The following CEP192 variants were observed in gnomAD, a reference collection of about 807,000 sequenced individuals.
CEP192 encodes the protein centrosomal protein 192, also known as centrosomal protein of 192 kDa.
In CEP192, 151 loss-of-function variants were observed where a neutral mutation model predicts 271.8. The ratio of observed to expected loss-of-function variants is 0.56; its 90% CI spans 0.49 to 0.64. The LOEUF (loss-of-function observed/expected upper bound fraction) is 0.64. Among genes scored for constraint, CEP192 ranks in the 30% least tolerant of loss-of-function variants. The pLI is 0.00. For synonymous variants in CEP192, 995 were observed against 1,076.5 expected (o/e 0.92, Z 1.48); for missense variants, 2,910 against 3,020.5 (o/e 0.96, Z 0.86).
intron 2 of CEP192, 93 bp from the exon 3 acceptor site, chr18:13,001,364 G>A: frequency 1.3e-6 from 1 of 799,990 alleles, no homozygotes; most frequent in South Asian, 1.9e-5. Context: ...TACCCCGGTG[G>A]TTGGTTTTAC....
At chr18:13,096,123 A>T in intron 35 of CEP192, 61 bp from the exon 36 acceptor site, 1 of 1,553,690 alleles carries the variant, frequency 6.4e-7, no homozygotes, top group Non-Finnish European at 8.8e-7. Flanking sequence ...ATTAGTTGTT[A>T]ATATTTGTCT....
At chr18:13,043,073 T>A (rs2036294748) in intron 15 of CEP192, among the ~76,000 whole-genome samples, 1 of 152,234 alleles carries the variant, frequency 6.6e-6, no homozygotes, top group African/African-American at 2.4e-5. Flanking sequence ...GCACCTGGCA[T>A]TACTCGTTAT....
At chr18:13,100,722 C>T (rs982160655) in intron 38 of CEP192, among the ~76,000 whole-genome samples, 5 of 152,122 alleles carry the variant, frequency 3.3e-5, no homozygotes, top group African/African-American at 4.8e-5. Flanking sequence ...CTGTGTATTC[C>T]GGGAATCCTA....
chr18:12,991,576 A>T (rs2032848202), intron 1 of CEP192, 139 bp downstream of exon 1: 1 of 152,478 alleles, frequency 6.6e-6, no homozygotes, highest in Admixed American at 6.5e-5. Flanking sequence ...GGGCGGCCTC[A>T]GGGCGCGAGC....
chr18:13,088,951 G>A lies in CEP192; in HGVS notation c.5994-505G>A, dbSNP rs180833644. The A allele has an allele frequency of 5.0e-4, 215 of 425,936 alleles. 1 individual carries two copies. The highest frequency in any genetic ancestry group is 9.7e-4 in the Admixed American group (37 of 38,106). The allele number at this position is 425,936 out of a possible 1,614,324, so 26.4% of individuals were successfully genotyped here. A position where few individuals can be genotyped will look rare whatever the true frequency, so the allele number is the denominator to read the frequency against. ...TCTCAATTGGGATATAGAAATCAGCGTATTGTTTTCAAACTCTTTGCCATA... is the reference window on the plus strand; with the variant it reads ...TCTCAATTGGGATATAGAAATCAGCATATTGTTTTCAAACTCTTTGCCATA... On this transcript the variant is annotated intron_variant, in intron 32 of 44. Coordinates refer to ENST00000506447, the MANE Select transcript of CEP192 (RefSeq NM_032142.4).
intron 18 of CEP192, 49 bp from the exon 19 acceptor site, chr18:13,055,731 A>G (rs1393938126): frequency 2.4e-6 from 3 of 1,239,318 alleles, no homozygotes; most frequent in East Asian, 4.7e-5. Context: ...TCAATTTGTT[A>G]TATTAAGTTT....
intron 21 of CEP192, among the ~76,000 whole-genome samples, chr18:13,064,803 T>A (rs987737291): frequency 1.3e-5 from 2 of 152,172 alleles, no homozygotes; most frequent in African/African-American, 4.8e-5. Flanking sequence ...TGGGATAGCT[T>A]GTCTATTCTA....
At chr18:13,035,450 CCT>C (rs2035866442) in intron 11 of CEP192, among the ~76,000 whole-genome samples, 1 of 152,160 alleles carries the variant, frequency 6.6e-6, no homozygotes, top group Non-Finnish European at 1.5e-5. Context: ...AAAGTGGAAA[CCT>C]CTGATAAACC....
chr18:13,098,343 C>T (rs1374006547), intron 36 of CEP192, among the ~76,000 whole-genome samples: 2 of 151,998 alleles, frequency 1.3e-5, no homozygotes, highest in African/African-American at 4.8e-5. Flanking sequence ...CCCTCCCGGA[C>T]AGGGTGGCTG....
In CEP192 at chr18:13,068,895, C is replaced by G. The variant is rs527904087; in HGVS notation, c.4866C>G (p.Ile1622Met). Residue 1622 changes from isoleucine to methionine, a missense_variant, in exon 25 of 45, where the codon ATC (isoleucine) becomes ATG (methionine). By Grantham distance (10) the Ile-to-Met change is conservative. Coordinates refer to ENST00000506447, the MANE Select transcript of CEP192 (RefSeq NM_032142.4). The part of the protein sequence containing the change: ...SAEEFSAKVD[I>M]EVDSPNPTPV... ...AAGAATTCTCGGCAAAAGTTGATAT[C>G]GAAGTTGACAGCCCAAACCCTACGC... The G allele has an allele frequency of 3.7e-6, 6 of 1,614,120 alleles. No individual in the cohort carries two copies. The African/African-American group carries it at 4.0e-5, about 11-fold the overall frequency.
At chr18:13,119,917 G>A (rs2040589686) in intron 44 of CEP192, among the ~76,000 whole-genome samples, 1 of 152,120 alleles carries the variant, frequency 6.6e-6, no homozygotes, top group Non-Finnish European at 1.5e-5. Context: ...GTCAAATTAT[G>A]GCTTTATGTC....
intron 21 of CEP192, among the ~76,000 whole-genome samples, chr18:13,059,861 G>C (rs777799655): frequency 6.6e-6 from 1 of 152,008 alleles, no homozygotes; most frequent in Non-Finnish European, 1.5e-5. Flanking sequence ...AGCGAGGGAG[G>C]GTGTGGCTGC....
At chr18:13,098,277 C>G (rs1254190159) in intron 36 of CEP192, among the ~76,000 whole-genome samples, 1 of 151,294 alleles carries the variant, frequency 6.6e-6, no homozygotes, top group South Asian at 2.1e-4. Flanking sequence ...CGGGGGCTGA[C>G]CCCCCACCTC....
rs1372879371 is a variant in CEP192, at chr18:13,008,453, A to C, written c.291-3A>C. Reference sequence around the variant, plus strand: ...ATCATTCTTCTGTTTCCTAATAAAAAAGTTCTATCTCTAGGAAAAAGAGCT... The same window carrying C: ...ATCATTCTTCTGTTTCCTAATAAAACAGTTCTATCTCTAGGAAAAAGAGCT... On this transcript the variant is annotated splice_polypyrimidine_tract_variant and splice_region_variant and intron_variant, in intron 3 of 44. Coordinates refer to ENST00000506447, the MANE Select transcript of CEP192 (RefSeq NM_032142.4). 3 of 1,525,722 alleles carry C rather than the reference A, an allele frequency of 2.0e-6. No homozygotes were observed. Among genetic ancestry groups the C allele is most frequent in the Admixed American group, 4.3e-5 (2 of 46,944 alleles). 94.5% of individuals were successfully genotyped at this position (1,525,722 alleles called of 1,614,324 possible). A position where few individuals can be genotyped will look rare whatever the true frequency, so the allele number is the denominator to read the frequency against.
intron 38 of CEP192, among the ~76,000 whole-genome samples, chr18:13,102,624 A>G (rs1013186454): frequency 6.6e-6 from 1 of 151,842 alleles, no homozygotes; most frequent in Non-Finnish European, 1.5e-5. Context: ...ATCTCCCAGC[A>G]CTGTCGACTG....
chr18:13,074,142 T>C (rs1273189748), intron 30 of CEP192, among the ~76,000 whole-genome samples: 1 of 152,150 alleles, frequency 6.6e-6, no homozygotes, highest in Non-Finnish European at 1.5e-5. Context: ...AAATTTTTGT[T>C]CTATATCCTA....
intron 43 of CEP192, 72 bp from the exon 44 acceptor site, chr18:13,117,513 G>T: frequency 1.9e-6 from 2 of 1,070,068 alleles, no homozygotes; most frequent in Admixed American, 3.8e-5. Flanking sequence ...ATAAATAAAT[G>T]CTTGGTATGC....
At chr18:13,085,316 A>T (rs2038846292) in intron 30 of CEP192, among the ~76,000 whole-genome samples, 1 of 152,102 alleles carries the variant, frequency 6.6e-6, no homozygotes, top group Non-Finnish European at 1.5e-5. Context: ...TCAGATGGAT[A>T]GATAGCAAAA....
chr18:13,038,507 G>A lies in CEP192; in HGVS notation c.1737G>A (p.Leu579=). Residue 579 remains leucine, a synonymous_variant, in exon 13 of 45, where the codon CTG becomes CTA. Transcript: ENST00000506447. ...LDKDDASYLR[L]SLGEFFAQRS... ...AAGATGATGCCAGTTATTTACGTCT[G>A]TCTTTAGGAGAGTTCTTTGCTCAAA... 6.4e-7 allele frequency: 1 copy of A among 1,551,648 alleles called. No homozygotes were observed. Among genetic ancestry groups the A allele is most frequent in the African/African-American group, 1.4e-5 (1 of 73,156 alleles).
Sources: allele counts gnomAD v4.1 joint callset (sites outside exome capture counted in the v4.1 genomes callset), GRCh38; gene constraint gnomAD v4.1.1; transcripts MANE v1.5; gene names NCBI Gene and HGNC (gene_info 2026-07-23, HGNC 2026-07-21).